The following PPP4R2 variants were observed in gnomAD, a reference collection of about 807,000 sequenced individuals.
The protein encoded by PPP4R2 is protein phosphatase 4 regulatory subunit 2.
PPP4R2 carries 13 observed loss-of-function variants against 47.2 expected under a neutral mutation model. The ratio of observed to expected loss-of-function variants is 0.28; its 90% CI spans 0.18 to 0.44. The LOEUF (loss-of-function observed/expected upper bound fraction) is 0.44, where lower values mean the gene tolerates loss of function less well. Among genes scored for constraint, PPP4R2 ranks in the 20% least tolerant of loss-of-function variants. The pLI is 1.00. For missense variants in PPP4R2, 421 were observed against 491.2 expected, an observed-to-expected ratio of 0.86 and a Z score of 1.35; for synonymous variants, 151 against 163.3, an observed-to-expected ratio of 0.92 and a Z score of 0.57.
chr3:72,998,062 T>C lies in PPP4R2; in HGVS notation c.35-15T>C, dbSNP rs1701387084. 1 of 1,585,526 alleles carries C rather than the reference T, an allele frequency of 6.3e-7. No homozygotes were observed. The highest frequency in any genetic ancestry group is 8.6e-7 in the Non-Finnish European group (1 of 1,160,398). The stretch of plus-strand genomic sequence containing the variant: ...TGAGAAAACTGATAACGTTTTTTTT[T>C]CTTCCTTCATCTAGATTTTGAGAAG... On this transcript the variant is annotated splice_polypyrimidine_tract_variant and intron_variant, in intron 1 of 8. Coordinates refer to ENST00000356692, the MANE Select transcript of PPP4R2 (RefSeq NM_174907.4).
At chr3:73,046,441 C>G (rs72877526) in intron 2 of PPP4R2, among the ~76,000 whole-genome samples, 11,024 of 152,208 alleles carry the variant, frequency 0.072, 482 homozygotes, top group African/African-American at 0.12. Context: ...TCCTGACTCC[C>G]GTGTCTCCTG....
intron 2 of PPP4R2, among the ~76,000 whole-genome samples, chr3:73,002,934 G>A (rs1177222338): frequency 1.3e-5 from 2 of 151,910 alleles, no homozygotes; most frequent in African/African-American, 2.4e-5. Flanking sequence ...GAACCACTGC[G>A]CCTGGCCCAG....
chr3:73,004,821 T>A (rs941990578), intron 2 of PPP4R2, among the ~76,000 whole-genome samples: 2 of 152,066 alleles, frequency 1.3e-5, no homozygotes, highest in Admixed American at 1.3e-4. Context: ...CTAAAAGATT[T>A]TTTTCTTTAA....
At chr3:73,062,288 G>T (rs1702878368) in intron 5 of PPP4R2, 1 of 1,607,622 alleles carries the variant, frequency 6.2e-7, no homozygotes, top group Non-Finnish European at 8.5e-7. Context: ...ACAGGAGTGG[G>T]CTCCCTGACC....
chr3:73,054,550 TAGTC>T (rs1236158136), intron 3 of PPP4R2, among the ~76,000 whole-genome samples: 5 of 152,230 alleles, frequency 3.3e-5, no homozygotes, highest in Non-Finnish European at 5.9e-5. Context: ...TGTGGTCATT[TAGTC>T]AGAAAAGACA....
chr3:73,019,374 A>T (rs770626558), intron 2 of PPP4R2, among the ~76,000 whole-genome samples: 1 of 152,044 alleles, frequency 6.6e-6, no homozygotes, highest in Non-Finnish European at 1.5e-5. Context: ...CTATTATTTT[A>T]TTTATTTATT....
At chr3:72,998,212 C>T (rs1701390610) in intron 2 of PPP4R2, 54 bp downstream of exon 2, 10 of 1,137,020 alleles carry the variant, frequency 8.8e-6, no homozygotes, top group Admixed American at 2.5e-5. Flanking sequence ...TTAAGAATTG[C>T]TCAGGAAAGG....
intron 2 of PPP4R2, among the ~76,000 whole-genome samples, chr3:73,041,848 C>T (rs969687209): frequency 6.6e-6 from 1 of 152,238 alleles, no homozygotes; most frequent in African/African-American, 2.4e-5. Context: ...GTCCTTAAGC[C>T]TCTGGAAAAT....
intron 2 of PPP4R2, chr3:73,015,763 G>A: frequency 4.6e-6 from 2 of 437,818 alleles, no homozygotes; most frequent in South Asian, 3.2e-5. Flanking sequence ...TTATCCTCCT[G>A]AGTAGCTGGG....
At chr3:73,025,455 A>T (rs958229341) in intron 2 of PPP4R2, among the ~76,000 whole-genome samples, 1 of 152,198 alleles carries the variant, frequency 6.6e-6, no homozygotes, top group Admixed American at 6.5e-5. Flanking sequence ...TTAGCCTAGT[A>T]TCATGGAACC....
At position 73,068,380 on chromosome 3, in the gene PPP4R2, AT is replaced by A. The variant is rs1703044213; in HGVS notation, c.*2659del. 2 of 152,170 alleles carry A rather than the reference AT, an allele frequency of 1.3e-5. No homozygotes were observed. Among genetic ancestry groups the A allele is most frequent in the South Asian group, 2.1e-4 (1 of 4,832 alleles). 9.4% of individuals were successfully genotyped at this position (152,170 alleles called of 1,614,324 possible). Reference sequence around the variant, plus strand: ...GATGAGGAAAGTGAGATATATATATATATATGTATTATGTTTCTAGCACTTT... The same window carrying A: ...GATGAGGAAAGTGAGATATATATATAATATGTATTATGTTTCTAGCACTTT... On this transcript the variant is annotated 3_prime_UTR_variant, in exon 9 of 9. Transcript: ENST00000356692.
rs561074923 is a variant in PPP4R2 at position 73,057,554 on chromosome 3, C to T, written c.288-1483C>T. Among the ~76,000 whole-genome samples the T allele has an allele frequency of 8.5e-5, 13 of 152,144 alleles. No individual in the cohort carries two copies. The South Asian group carries it at 1.7e-3, about 19-fold the overall frequency. On this transcript the variant is annotated intron_variant, in intron 3 of 8. Coordinates refer to ENST00000356692, the MANE Select transcript of PPP4R2 (RefSeq NM_174907.4). ...GTTTTCTCACTTTTAGGTTTGGATT[C>T]GATTTTAGGTTTGAGACAAAAGATT...
In PPP4R2 at chr3:73,055,767, C is replaced by A. The variant is rs562442635; in HGVS notation, c.288-3270C>A. On this transcript the variant is annotated intron_variant, in intron 3 of 8. Transcript: ENST00000356692. ...ACTTGCAACCTCCACCGCCCAGGTT[C>A]AAGCAATTCTTTTGCCTCAGCCTCC... Among the ~76,000 whole-genome samples, 5 of 151,594 alleles carry A rather than the reference C, an allele frequency of 3.3e-5. No individual in the cohort carries two copies. The South Asian group carries it at 8.3e-4, about 25-fold the overall frequency.
intron 6 of PPP4R2, 103 bp downstream of exon 6, chr3:73,063,850 A>G (rs929743005): frequency 7.3e-6 from 8 of 1,091,054 alleles, no homozygotes; most frequent in Admixed American, 4.1e-5. Context: ...TGGACACCAT[A>G]GGATGAACTA....
intron 3 of PPP4R2, among the ~76,000 whole-genome samples, chr3:73,049,827 C>T (rs1264232894): frequency 6.6e-6 from 1 of 151,428 alleles, no homozygotes; most frequent in African/African-American, 2.4e-5. Flanking sequence ...ATTTCTTAAT[C>T]TGTAAAAGAG....
intron 3 of PPP4R2, among the ~76,000 whole-genome samples, chr3:73,055,417 C>CGT (rs10663655): frequency 0.032 from 4,425 of 137,354 alleles, 160 homozygotes; most frequent in African/African-American, 0.081. Context: ...AGTGGGGTAG[C>CGT]GTGTGTGTGT....
intron 5 of PPP4R2, chr3:73,062,634 C>T (rs781541117): frequency 7.4e-6 from 12 of 1,613,848 alleles, no homozygotes; most frequent in Non-Finnish European, 8.5e-6. Flanking sequence ...AGTTCTCCGC[C>T]ACTGCTGTGA....
chr3:73,052,246 CT>C (rs60786869), intron 3 of PPP4R2, among the ~76,000 whole-genome samples: 29 of 139,724 alleles, frequency 2.1e-4, no homozygotes, highest in Middle Eastern at 3.7e-3. Flanking sequence ...TCTTTCTTTT[CT>C]TTTTTTTTTT....
chr3:73,037,864 T>C (rs1465096342), intron 2 of PPP4R2, among the ~76,000 whole-genome samples: 1 of 152,230 alleles, frequency 6.6e-6, no homozygotes, highest in African/African-American at 2.4e-5. Context: ...CTATTTAATA[T>C]CTGTAAGTCT....
Sources: allele counts gnomAD v4.1 joint callset (sites outside exome capture counted in the v4.1 genomes callset), GRCh38; gene constraint gnomAD v4.1.1; transcripts MANE v1.5; gene names NCBI Gene and HGNC (gene_info 2026-07-23, HGNC 2026-07-21).